Variants in C11orf65 observed in about 807,000 individuals in gnomAD.
C11orf65 encodes the protein chromosome 11 open reading frame 65, also known as protein MFI.
A neutral mutation model predicts 35.3 loss-of-function variants in C11orf65; 38 were observed. The observed-to-expected ratio is 1.08, with a 90% CI of 0.83 to 1.41. The LOEUF is 1.41. C11orf65 is among the 40% of genes most tolerant of loss of function. The pLI is 0.00. For synonymous variants in C11orf65, 105 were observed against 114.4 expected (o/e 0.92, Z 0.53); for missense variants, 370 against 367.1 (o/e 1.01, Z -0.06).
intron 3 of C11orf65, among the ~76,000 whole-genome samples, chr11:108,420,530 A>G (rs988415618): frequency 2.1e-4 from 32 of 152,182 alleles, no homozygotes; most frequent in African/African-American, 7.5e-4. Context: ...GGGTTGACCT[A>G]GCATCAGGCA....
intron 2 of C11orf65, chr11:108,343,115 A>ATACAACTTGAAAAAAAATGCTT: frequency 7.1e-7 from 1 of 1,404,374 alleles, no homozygotes; most frequent in Non-Finnish European, 1.0e-6. Flanking sequence ...AGAAATATTA[A>ATACAACTTGAAAAAAAATGCTT]TACAACTTGA....
intron 2 of C11orf65, among the ~76,000 whole-genome samples, chr11:108,446,209 C>A (rs1406295237): frequency 6.6e-6 from 1 of 151,996 alleles, no homozygotes; most frequent in Admixed American, 6.6e-5. Flanking sequence ...AAACACTCTG[C>A]AGGATATTAT....
intron 7 of C11orf65, among the ~76,000 whole-genome samples, chr11:108,389,077 T>G (rs1030028973): frequency 4.6e-5 from 7 of 152,256 alleles, no homozygotes; most frequent in Non-Finnish European, 8.8e-5. Flanking sequence ...TTCAAGGCAT[T>G]TATGCCATTC....
intron 3 of C11orf65, among the ~76,000 whole-genome samples, chr11:108,332,245 G>A (rs553587635): frequency 6.6e-6 from 1 of 151,926 alleles, no homozygotes; most frequent in East Asian, 1.9e-4. Flanking sequence ...CTGGCTGACC[G>A]ACACAGCAAA....
In C11orf65 at chr11:108,393,225, A is replaced by G; in HGVS notation, c.714T>C (p.Asn238=). 6.2e-7 allele frequency: 1 copy of G among 1,613,938 alleles called. No individual in the cohort carries two copies. The highest frequency in any genetic ancestry group is 2.2e-5 in the East Asian group (1 of 44,842). The change falls in exon 7 of 9, where the codon AAT becomes AAC. Residue 238 remains asparagine (N), a synonymous_variant. Coordinates refer to ENST00000393084, the MANE Select transcript of C11orf65 (RefSeq NM_152587.5). ...GTACTTACTCATCAAAGTTCAGTGTATTTGTCCAGTTCAGCACTTCATCCA... is the reference window on the plus strand; with the variant it reads ...GTACTTACTCATCAAAGTTCAGTGTGTTTGTCCAGTTCAGCACTTCATCCA... ...WEVDEVLNWT[N]TLNFDEYIAS... is the part of the protein sequence containing the mutation.
At chr11:108,464,219 G>A (rs560472020) in intron 1 of C11orf65, among the ~76,000 whole-genome samples, 3 of 152,182 alleles carry the variant, frequency 2.0e-5, no homozygotes, top group East Asian at 3.9e-4. Context: ...AAGCCATTGC[G>A]CTCAGCGGCA....
intron 3 of C11orf65, among the ~76,000 whole-genome samples, chr11:108,420,575 C>T (rs1186491716): frequency 2.0e-5 from 3 of 152,158 alleles, no homozygotes. Flanking sequence ...TGAAGATCCT[C>T]ACAGCTGGAG....
intron 2 of C11orf65, among the ~76,000 whole-genome samples, chr11:108,354,620 A>C (rs994401050): frequency 6.6e-6 from 1 of 152,232 alleles, no homozygotes; most frequent in East Asian, 1.9e-4. Context: ...GAAATAGTCA[A>C]ATACATATTT....
Position 108,385,987 on chromosome 11 carries a change from A to G in C11orf65, c.732-12T>C. 1 of 1,607,342 alleles carries G rather than the reference A, an allele frequency of 6.2e-7. No homozygotes were observed. Among genetic ancestry groups the G allele is most frequent in the Non-Finnish European group, 8.5e-7 (1 of 1,175,424 alleles). ...AGCTGGCAATGTACCTAAGCACATT[A>G]TATGAGGATTCATTAAATTTAATCG... is the stretch of plus-strand genomic sequence containing the variant. On this transcript the variant is annotated splice_polypyrimidine_tract_variant and intron_variant, in intron 7 of 8. Coordinates refer to ENST00000393084, the MANE Select transcript of C11orf65 (RefSeq NM_152587.5).
At chr11:108,310,404 T>C (rs894088184) in intron 6 of C11orf65, 3 of 1,224,308 alleles carry the variant, frequency 2.5e-6, no homozygotes, top group Admixed American at 4.3e-5. Flanking sequence ...TTGCCTCCTG[T>C]TCCCCATTTA....
chr11:108,429,658 T>C (rs2092957434), intron 3 of C11orf65, among the ~76,000 whole-genome samples: 1 of 152,090 alleles, frequency 6.6e-6, no homozygotes, highest in Non-Finnish European at 1.5e-5. Context: ...CCCAAAAGAA[T>C]TAAAAGAAGG....
chr11:108,448,992 A>C (rs1210663319), intron 2 of C11orf65, among the ~76,000 whole-genome samples: 1 of 152,184 alleles, frequency 6.6e-6, no homozygotes, highest in Non-Finnish European at 1.5e-5. Flanking sequence ...CACCAATAAC[A>C]GACAAACAGA....
chr11:108,357,585 C>A (rs2090151917), intron 2 of C11orf65, among the ~76,000 whole-genome samples: 1 of 152,200 alleles, frequency 6.6e-6, no homozygotes, highest in Admixed American at 6.5e-5. Context: ...TCCCAGCACG[C>A]AGCTGGAGAT....
rs756626462 is a variant in C11orf65 at position 108,321,330 on chromosome 11, G to A, written c.641-12259C>T. 152 of 1,613,990 alleles carry A rather than the reference G, an allele frequency of 9.4e-5. No homozygotes were observed. The highest frequency in any genetic ancestry group is 1.2e-4 in the Non-Finnish European group (145 of 1,179,998). ...AAAGAAGTGGAAGAGATGTGTAAGC[G>A]CAGCCTTGAGTCTGTGTATTCGCTC... is the stretch of plus-strand genomic sequence containing the variant. On this transcript the variant is annotated intron_variant, in intron 6 of 6. Coordinates refer to the C11orf65 transcript ENST00000525729.
intron 2 of C11orf65, among the ~76,000 whole-genome samples, chr11:108,458,355 C>CA (rs755107073): frequency 0.2 from 7,116 of 34,800 alleles, 814 homozygotes; most frequent in Non-Finnish European, 0.22. Context: ...GACTCTGTCT[C>CA]AAAAAAAAAA....
At chr11:108,308,977 T>C (rs1281622881) in exon 7 of C11orf65, 5 of 1,515,536 alleles carry the variant, frequency 3.3e-6, no homozygotes, top group Non-Finnish European at 4.4e-6. Context: ...AGACTTACCA[T>C]TGGGGTAGAA....
intron 2 of C11orf65, among the ~76,000 whole-genome samples, chr11:108,453,878 A>T (rs1325722227): frequency 6.6e-6 from 1 of 152,236 alleles, no homozygotes; most frequent in African/African-American, 2.4e-5. Context: ...TAGCATCCTC[A>T]TCTGGCTTTG....
chr11:108,410,942 C>T (rs1454089088), intron 3 of C11orf65, among the ~76,000 whole-genome samples: 2 of 152,076 alleles, frequency 1.3e-5, no homozygotes, highest in African/African-American at 2.4e-5. Flanking sequence ...AACTCCTGAC[C>T]TCATGATCCC....
chr11:108,365,385 A>G lies in C11orf65; in HGVS notation c.226+27823T>C, dbSNP rs553001467. On this transcript the variant is annotated intron_variant, in intron 2 of 3. Transcript: ENST00000524755. The stretch of plus-strand genomic sequence containing the variant: ...GTGTCTTAATGAGACTACAAGAGAA[A>G]CTGAAAGGAGTGGAAGAAGGCACTG... The G allele has an allele frequency of 1.2e-6, 2 of 1,614,172 alleles. No homozygotes were observed. The highest frequency in any genetic ancestry group is 2.7e-5 in the African/African-American group (2 of 75,042).
Sources: allele counts gnomAD v4.1 joint callset (sites outside exome capture counted in the v4.1 genomes callset), GRCh38; gene constraint gnomAD v4.1.1; transcripts MANE v1.5; gene names NCBI Gene and HGNC (gene_info 2026-07-23, HGNC 2026-07-21).